Variants in TRIM5 observed in about 807,000 individuals in gnomAD.
TRIM5 encodes the protein tripartite motif-containing protein 5.
Under a neutral mutation model 35.6 loss-of-function variants are expected in TRIM5, and 31 were observed. The ratio of observed to expected loss-of-function variants is 0.87; its 90% CI spans 0.65 to 1.18. TRIM5 has a LOEUF of 1.18. Ranked by LOEUF, TRIM5 falls within the 50% of genes most tolerant of loss-of-function variation. The pLI is 0.00. For missense variants in TRIM5, 609 were observed against 591.6 expected (o/e 1.03, Z -0.31); for synonymous variants, 243 against 215.6 (o/e 1.13, Z -1.11).
Position 5,664,588 on chromosome 11 carries a change from C to T in TRIM5, c.*221G>A, listed in dbSNP as rs55868530. ...TATAGGTCAGTTTTCCTTAGGAGTA[C>T]GGAAAATGATGAAAAAAATTGCTAT... On this transcript the variant is annotated 3_prime_UTR_variant, in exon 8 of 8. Transcript: ENST00000380034. The T allele has an allele frequency of 6.2e-5, 79 of 1,283,038 alleles. No homozygotes were observed. In the South Asian group the frequency reaches 1.0e-3, roughly 17 times the overall value. The allele number at this position is 1,283,038 out of a possible 1,614,324, so 79.5% of individuals were successfully genotyped here. A position where few individuals can be genotyped will look rare whatever the true frequency, so the allele number is the denominator to read the frequency against.
At chr11:5,624,333 T>C in the TRIM5 span, among the ~76,000 whole-genome samples, 2 of 152,150 alleles carry the variant, frequency 1.3e-5, no homozygotes, top group Non-Finnish European at 2.9e-5. Flanking sequence ...CTTTTAAAGA[T>C]TTAGAGCATT....
At chr11:5,619,261 A>T in the TRIM5 span, among the ~76,000 whole-genome samples, 1 of 152,166 alleles carries the variant, frequency 6.6e-6, no homozygotes, top group Non-Finnish European at 1.5e-5. Flanking sequence ...CAATATTTTG[A>T]TGTCCTCAAA....
At chr11:5,665,878 C>G in intron 6 of TRIM5, 103 bp downstream of exon 6, 3 of 1,318,944 alleles carry the variant, frequency 2.3e-6, no homozygotes, top group Non-Finnish European at 3.1e-6. Flanking sequence ...TCTATCCTCC[C>G]CTATCCCCTC....
the TRIM5 span, chr11:5,643,025 C>G: frequency 7.8e-7 from 1 of 1,287,826 alleles, no homozygotes; most frequent in Non-Finnish European, 1.0e-6. Flanking sequence ...AGTCACTTCC[C>G]AAGTTCGTTC....
At chr11:5,595,901 T>C in the TRIM5 span, among the ~76,000 whole-genome samples, 13 of 152,208 alleles carry the variant, frequency 8.5e-5, 2 homozygotes, top group South Asian at 1.9e-3. Flanking sequence ...CGGGATGGTC[T>C]CAATCTCCTG....
chr11:5,677,043 A>G (rs1361016457), intron 4 of TRIM5, among the ~76,000 whole-genome samples: 20 of 152,118 alleles, frequency 1.3e-4, no homozygotes, highest in Middle Eastern at 3.2e-3. Context: ...ATAGGCATGG[A>G]CAAGGACTTC....
chr11:5,681,454 CA>C (rs1375649286), intron 1 of TRIM5, among the ~76,000 whole-genome samples: 3 of 152,234 alleles, frequency 2.0e-5, no homozygotes, highest in Non-Finnish European at 4.4e-5. Context: ...TTAACTTCTT[CA>C]AATCTATAAC....
At chr11:5,680,613 T>G (rs1460354949) in intron 1 of TRIM5, among the ~76,000 whole-genome samples, 1 of 152,250 alleles carries the variant, frequency 6.6e-6, no homozygotes, top group Non-Finnish European at 1.5e-5. Flanking sequence ...AAACAGCTTA[T>G]GCCTCAGGGC....
chr11:5,675,272 A>T (rs1024360238), intron 4 of TRIM5, among the ~76,000 whole-genome samples: 1 of 152,092 alleles, frequency 6.6e-6, no homozygotes, highest in Non-Finnish European at 1.5e-5. Context: ...AAAATTTATT[A>T]AACATTTCAA....
At chr11:5,604,685 G>A in the TRIM5 span, 38 of 1,571,672 alleles carry the variant, frequency 2.4e-5, no homozygotes, top group South Asian at 4.2e-4. Context: ...CAGGTCATAG[G>A]AGCTGAGGGC....
chr11:5,678,299 A>G lies in TRIM5; in HGVS notation c.649T>C (p.Ser217Pro). ...EEDILKSLTNSETEMVQQTQS... is the reference protein window; with the variant it reads ...EEDILKSLTNPETEMVQQTQS... ...GTCTGCTGCACCATCTCAGTTTCAG[A>G]GTTCGTAAGGCTTTTCAGAATGTCT... is the stretch of plus-strand genomic sequence containing the variant. Residue 217 changes from serine (S) to proline (P), a missense_variant, in exon 4 of 8, where the codon TCT (serine) becomes CCT (proline). Ser to Pro is a moderately conservative substitution (Grantham distance 74). Transcript: ENST00000380034. 1.9e-6 allele frequency: 3 copies of G among 1,614,078 alleles called. No individual in the cohort carries two copies. Among genetic ancestry groups the G allele is most frequent in the South Asian group, 1.1e-5 (1 of 91,084 alleles).
In TRIM5 at chr11:5,665,336, G is replaced by C. The variant is rs1292798130; in HGVS notation, c.955C>G (p.Gln319Glu). ...SCAVISEDKR[Q>E]VSSPKPQIIY... is the part of the protein sequence containing the mutation. Reference sequence around the variant, plus strand: ...ATCTGTGGTTTCGGAGAGCTCACTTGTCTCTTATCTTCAGAAATGACAGCA... The same window carrying C: ...ATCTGTGGTTTCGGAGAGCTCACTTCTCTCTTATCTTCAGAAATGACAGCA... Residue 319 changes from glutamine (Q) to glutamate (E), a missense_variant, in exon 8 of 8, where the codon CAA becomes GAA. By Grantham distance (29) the Gln-to-Glu change is conservative. Coordinates refer to ENST00000380034, the MANE Select transcript of TRIM5 (RefSeq NM_033034.3). 1 of 1,613,788 alleles carries C rather than the reference G, an allele frequency of 6.2e-7. No homozygotes were observed. Among genetic ancestry groups the C allele is most frequent in the Non-Finnish European group, 8.5e-7 (1 of 1,179,944 alleles).
the TRIM5 span, chr11:5,655,678 T>C: frequency 2.0e-6 from 2 of 985,328 alleles, no homozygotes; most frequent in African/African-American, 3.5e-5. Flanking sequence ...CATCGGTTTT[T>C]AGTGACGTCA....
the TRIM5 span, among the ~76,000 whole-genome samples, chr11:5,613,930 G>A: frequency 6.6e-6 from 1 of 152,104 alleles, no homozygotes; most frequent in Non-Finnish European, 1.5e-5. Flanking sequence ...AATTCACTTG[G>A]AGAACCCAAA....
the TRIM5 span, among the ~76,000 whole-genome samples, chr11:5,598,778 C>G: frequency 2.6e-5 from 4 of 152,192 alleles, no homozygotes; most frequent in African/African-American, 9.6e-5. Flanking sequence ...TTTAATTTTT[C>G]TTGTATTTTT....
the TRIM5 span, chr11:5,589,021 G>T: frequency 6.6e-6 from 1 of 151,908 alleles, no homozygotes; most frequent in Non-Finnish European, 1.5e-5. Context: ...CCTGACCTCA[G>T]ATGATCCGCC....
chr11:5,670,298 C>T (rs71490145), intron 4 of TRIM5, among the ~76,000 whole-genome samples: 25,417 of 150,242 alleles, frequency 0.17, 2,840 homozygotes, highest in East Asian at 0.45. Flanking sequence ...CTGTTTCAGC[C>T]TCCCGAGTAG....
At chr11:5,639,283 A>C in the TRIM5 span, among the ~76,000 whole-genome samples, 1 of 152,180 alleles carries the variant, frequency 6.6e-6, no homozygotes. Context: ...CTGGTTGCTA[A>C]TGGAAACCTG....
At chr11:5,666,945 T>C (rs1042910165) in intron 5 of TRIM5, among the ~76,000 whole-genome samples, 1 of 152,038 alleles carries the variant, frequency 6.6e-6, no homozygotes, top group Non-Finnish European at 1.5e-5. Flanking sequence ...AGGAGGAAAA[T>C]ATAAACATGT....
Sources: gnomAD v4.1 joint callset for allele counts (sites outside exome capture counted in the v4.1 genomes callset) on GRCh38, gnomAD v4.1.1 for gene constraint, MANE v1.5 for transcripts, NCBI Gene and HGNC (gene_info 2026-07-23, HGNC 2026-07-21) for gene names.